ZBTB44: variants seen among roughly 807,000 people sequenced by gnomAD.
ZBTB44 encodes zinc finger and BTB domain containing 44.
ZBTB44 carries 15 observed loss-of-function variants against 54.0 expected under a neutral mutation model. The observed-to-expected ratio is 0.28, with a 90% CI of 0.19 to 0.43. ZBTB44 has a LOEUF of 0.43. Among genes scored for constraint, ZBTB44 ranks in the 20% least tolerant of loss-of-function variants. ZBTB44 has a pLI of 1.00. For synonymous variants in ZBTB44, 230 were observed against 250.1 expected (o/e 0.92, Z 0.76); for missense variants, 487 against 707.1 (o/e 0.69, Z 3.53).
chr11:130,236,738 GAA>G, intron 5 of ZBTB44, 53 bp downstream of exon 5: 1 of 1,331,544 alleles, frequency 7.5e-7, no homozygotes, highest in Non-Finnish European at 9.6e-7. Context: ...CTAAAAGCAG[GAA>G]AAGAGAGTTT....
At chr11:130,293,623 A>G (rs566305758) in intron 1 of ZBTB44, among the ~76,000 whole-genome samples, 2 of 117,164 alleles carry the variant, frequency 1.7e-5, no homozygotes, top group South Asian at 2.5e-4. Flanking sequence ...CTACTTAAAG[A>G]AAAAAAAAAA....
chr11:130,296,351 T>A, intron 1 of ZBTB44: 2 of 1,541,962 alleles, frequency 1.3e-6, no homozygotes, highest in Non-Finnish European at 1.8e-6. Context: ...TTTCATCTTG[T>A]ATGTCCGTGA....
chr11:130,297,823 C>A lies in ZBTB44; in HGVS notation c.-57+16552G>T, dbSNP rs557759402. ...TACTTCGTCATAGTTTGTTACGGCA[C>A]CCTAGCAAACTAATACATGTTGCTT... is the stretch of plus-strand genomic sequence containing the variant. On this transcript the variant is annotated intron_variant, in intron 1 of 7. Transcript: ENST00000357899. Among the ~76,000 whole-genome samples, 3 of 152,246 alleles carry A rather than the reference C, an allele frequency of 2.0e-5. No homozygotes were observed. The South Asian group carries it at 6.2e-4, about 32-fold the overall frequency.
chr11:130,237,426 C>A (rs181148414), intron 4 of ZBTB44, among the ~76,000 whole-genome samples: 1 of 152,178 alleles, frequency 6.6e-6, no homozygotes, highest in Admixed American at 6.5e-5. Flanking sequence ...CAAATCCCCA[C>A]TAACAGCACA....
chr11:130,296,443 C>G, intron 1 of ZBTB44: 1 of 1,261,916 alleles, frequency 7.9e-7, no homozygotes, highest in East Asian at 2.3e-5. Flanking sequence ...AAATGTACGA[C>G]CACATTCTTC....
chr11:130,241,004 ATATG>A (rs903103943), intron 2 of ZBTB44, among the ~76,000 whole-genome samples: 23 of 152,344 alleles, frequency 1.5e-4, no homozygotes, highest in African/African-American at 4.8e-4. Context: ...GGGTCATACT[ATATG>A]TATTCTTTTG....
rs779466013 is a variant in ZBTB44 at position 130,261,071 on chromosome 11, T to C, written c.803A>G (p.Asp268Gly). 3 of 1,614,046 alleles carry C rather than the reference T, an allele frequency of 1.9e-6. No homozygotes were observed. Among genetic ancestry groups the C allele is most frequent in the Non-Finnish European group, 2.5e-6 (3 of 1,179,896 alleles). The change falls in exon 2 of 8, where the codon GAT becomes GGT. Residue 268 changes from aspartate (D) to glycine (G), a missense_variant. Asp to Gly is a moderately conservative substitution (Grantham distance 94). Coordinates refer to ENST00000357899, the MANE Select transcript of ZBTB44 (RefSeq NM_001301098.2). This position sits in a 1 kb window ranked among gnomAD's most constrained non-coding sequence, Gnocchi z 4.8. Reference sequence around the variant, plus strand: ...TTTTGTGCTCTCACAAGTCACATAATCAGCCATTCTTCTACCGGTCTCAGA... The same window carrying C: ...TTTTGTGCTCTCACAAGTCACATAACCAGCCATTCTTCTACCGGTCTCAGA... ...GPSETGRRMA[D>G]YVTCESTKTT...
chr11:130,299,649 A>G (rs112607233), intron 1 of ZBTB44, among the ~76,000 whole-genome samples: 1 of 152,154 alleles, frequency 6.6e-6, no homozygotes, highest in Non-Finnish European at 1.5e-5. Context: ...AAAAAAAAAA[A>G]CAAAATAACA....
At chr11:130,244,382 A>G (rs560718853) in intron 2 of ZBTB44, among the ~76,000 whole-genome samples, 1 of 152,224 alleles carries the variant, frequency 6.6e-6, no homozygotes, top group Admixed American at 6.5e-5. Flanking sequence ...GAAAATGAAA[A>G]TGTGGCCGGG....
intron 1 of ZBTB44, among the ~76,000 whole-genome samples, chr11:130,263,547 A>G (rs2136452917): frequency 6.6e-6 from 1 of 152,326 alleles, no homozygotes; most frequent in Middle Eastern, 3.4e-3. Flanking sequence ...GCATGAACAA[A>G]GGTGTGAAGG....
chr11:130,249,531 C>G (rs12285773), intron 2 of ZBTB44, among the ~76,000 whole-genome samples: 2,773 of 152,214 alleles, frequency 0.018, 87 homozygotes, highest in African/African-American at 0.063. Context: ...AGGAACAGCT[C>G]CAGTCTGCAG....
At position 130,297,380 on chromosome 11, in the gene ZBTB44, C is replaced by A. The variant is rs371165677; in HGVS notation, c.-57+16995G>T. Among the ~76,000 whole-genome samples the A allele has an allele frequency of 5.3e-5, 8 of 152,286 alleles. No individual in the cohort carries two copies. The East Asian group carries it at 1.2e-3, about 22-fold the overall frequency. ...GTTTTAATATAATTAAATTTTTGTA[C>A]CTTTTAAAAAAATATGTACACAAGT... On this transcript the variant is annotated intron_variant, in intron 1 of 7. Coordinates refer to ENST00000357899, the MANE Select transcript of ZBTB44 (RefSeq NM_001301098.2).
chr11:130,294,667 A>T (rs1054075516), intron 1 of ZBTB44, among the ~76,000 whole-genome samples: 1 of 152,060 alleles, frequency 6.6e-6, no homozygotes, highest in Non-Finnish European at 1.5e-5. Context: ...GAATTTTTGC[A>T]ATCAGACCTT....
rs564763184 is a variant in ZBTB44, at chr11:130,228,094, A to C, written c.*3670T>G. The C allele has an allele frequency of 1.3e-5, 2 of 152,352 alleles. No individual in the cohort carries two copies. Among genetic ancestry groups the C allele is most frequent in the Middle Eastern group, 6.8e-3 (2 of 294 alleles). The allele number at this position is 152,352 out of a possible 1,614,324, so 9.4% of individuals were successfully genotyped here. A position where few individuals can be genotyped will look rare whatever the true frequency, so the allele number is the denominator to read the frequency against. On this transcript the variant is annotated 3_prime_UTR_variant, in exon 8 of 8. Coordinates refer to ENST00000357899, the MANE Select transcript of ZBTB44 (RefSeq NM_001301098.2). ...CCATATACTATCCTCCAAGTTGGAC[A>C]TAAGGTGCCACAAGGCTGCCCTACA...
At chr11:130,255,898 C>CAAAA (rs66874715) in intron 2 of ZBTB44, among the ~76,000 whole-genome samples, 46 of 93,398 alleles carry the variant, frequency 4.9e-4, no homozygotes, top group Non-Finnish European at 8.3e-4. Flanking sequence ...GGCAAAACCT[C>CAAAA]AAAAAAAAAA....
At position 130,260,972 on chromosome 11, in the gene ZBTB44, T is replaced by A; in HGVS notation, c.902A>T (p.Glu301Val). Reference protein sequence around the residue: ...VERLSDEEVHEEVSQPVSASQ... With the variant: ...VERLSDEEVHVEVSQPVSASQ... ...TGCACTGACAGGCTGGGACACTTCC[T>A]CATGGACCTCCTCATCACTTAATCT... Residue 301 changes from glutamate to valine, a missense_variant, in exon 2 of 8, where the codon GAG (glutamate) becomes GTG (valine). Transcript: ENST00000357899. The A allele has an allele frequency of 6.2e-7, 1 of 1,614,008 alleles. No homozygotes were observed. The highest frequency in any genetic ancestry group is 1.3e-5 in the African/African-American group (1 of 75,048).
chr11:130,246,571 T>A (rs1211504841), intron 2 of ZBTB44, among the ~76,000 whole-genome samples: 1 of 152,194 alleles, frequency 6.6e-6, no homozygotes, highest in Non-Finnish European at 1.5e-5. Context: ...TGCATCAAAC[T>A]CAAGTTGCTG....
At chr11:130,274,111 C>T (rs893388731) in intron 1 of ZBTB44, among the ~76,000 whole-genome samples, 2 of 151,716 alleles carry the variant, frequency 1.3e-5, no homozygotes, top group Non-Finnish European at 2.9e-5. Context: ...AGTTTGGGAC[C>T]GAAAGTATTT....
At chr11:130,264,175 A>G (rs1939079913) in intron 1 of ZBTB44, among the ~76,000 whole-genome samples, 1 of 152,248 alleles carries the variant, frequency 6.6e-6, no homozygotes, top group Admixed American at 6.5e-5. Context: ...TCTGAGGATT[A>G]AATGACCTAA....
Sources: gnomAD v4.1 joint callset for allele counts (sites outside exome capture counted in the v4.1 genomes callset) on GRCh38, gnomAD v4.1.1 for gene constraint, Gnocchi (gnomAD v3.1) non-coding constraint, MANE v1.5 for transcripts, NCBI Gene and HGNC (gene_info 2026-07-23, HGNC 2026-07-21) for gene names.